The following HS6ST2 variants were observed in gnomAD, a reference collection of about 807,000 sequenced individuals.
The protein encoded by HS6ST2 is heparan-sulfate 6-O-sulfotransferase 2.
HS6ST2 carries 17 observed loss-of-function variants against 33.0 expected under a neutral mutation model. The ratio of observed to expected loss-of-function variants is 0.52; its 90% CI spans 0.35 to 0.77. HS6ST2 has a LOEUF of 0.77. Ranked by LOEUF, HS6ST2 falls within the 30% of genes least tolerant of loss-of-function variation. HS6ST2 has a pLI of 0.01. For synonymous variants in HS6ST2, 248 were observed against 237.1 expected, an observed-to-expected ratio of 1.05 and a Z score of -0.42; for missense variants, 519 against 551.7, an observed-to-expected ratio of 0.94 and a Z score of 0.59.
chrX:132,647,316 C>T (rs1295622781), intron 4 of HS6ST2, among the ~76,000 whole-genome samples: 1 of 110,954 alleles, frequency 9.0e-6, no homozygotes, highest in Non-Finnish European at 1.9e-5. Context: ...CCCCCTCTAT[C>T]TTCTCCACCC....
At chrX:132,727,135 TA>T (rs903040583) in intron 2 of HS6ST2, among the ~76,000 whole-genome samples, 5 of 106,444 alleles carry the variant, frequency 4.7e-5, no homozygotes, top group African/African-American at 1.0e-4. Flanking sequence ...TAAATAACCT[TA>T]AAAAAAAACT....
chrX:132,851,591 A>T (rs937457859), intron 2 of HS6ST2, among the ~76,000 whole-genome samples: 9 of 112,694 alleles, frequency 8.0e-5, no homozygotes, highest in Admixed American at 2.8e-4. Flanking sequence ...AACAATATCC[A>T]TAACCAGAGA....
At chrX:132,637,888 T>A (rs868437257) in intron 4 of HS6ST2, among the ~76,000 whole-genome samples, 6 of 56,435 alleles carry the variant, frequency 1.1e-4, no homozygotes, top group Admixed American at 8.8e-4. Flanking sequence ...ATATATATAA[T>A]ATTTTATATA....
intron 2 of HS6ST2, among the ~76,000 whole-genome samples, chrX:132,804,162 A>C (rs1000945100): frequency 8.9e-6 from 1 of 112,384 alleles, no homozygotes; most frequent in Non-Finnish European, 1.9e-5. Context: ...AATATGGCAA[A>C]AGGACTGTTG....
chrX:132,935,293 C>T (rs1445759383), intron 2 of HS6ST2, among the ~76,000 whole-genome samples: 1 of 75,894 alleles, frequency 1.3e-5, no homozygotes, highest in Non-Finnish European at 2.5e-5. Flanking sequence ...CCACCAACAG[C>T]AAAATAGTCT....
At chrX:132,898,912 C>T (rs946964365) in intron 2 of HS6ST2, among the ~76,000 whole-genome samples, 2 of 110,344 alleles carry the variant, frequency 1.8e-5, no homozygotes, top group Non-Finnish European at 3.8e-5. Context: ...AAAAGAATTG[C>T]TAAAAAAAGA....
chrX:132,849,776 A>T (rs1480354888), intron 2 of HS6ST2, among the ~76,000 whole-genome samples: 1 of 112,279 alleles, frequency 8.9e-6, no homozygotes, highest in East Asian at 2.8e-4. Flanking sequence ...CAACATCAGA[A>T]AACTTTTAGA....
At chrX:132,866,850 A>C (rs2065990024) in intron 2 of HS6ST2, among the ~76,000 whole-genome samples, 1 of 107,061 alleles carries the variant, frequency 9.3e-6, no homozygotes. Context: ...ACTTTGCTGA[A>C]GTTGCTTATG....
At chrX:132,758,225 T>C (rs187816314) in intron 2 of HS6ST2, 39 of 112,314 alleles carry the variant, frequency 3.5e-4, no homozygotes, top group Admixed American at 1.2e-3. Context: ...GTAGGAACTG[T>C]GAATAAATAG....
chrX:132,652,001 T>G (rs1312781478), intron 4 of HS6ST2, among the ~76,000 whole-genome samples: 4 of 111,998 alleles, frequency 3.6e-5, no homozygotes. Context: ...GCACCCACAG[T>G]GCTCACCTAA....
At chrX:132,827,159 T>C (rs1247550270) in intron 2 of HS6ST2, among the ~76,000 whole-genome samples, 1 of 111,528 alleles carries the variant, frequency 9.0e-6, no homozygotes, top group East Asian at 2.8e-4. Flanking sequence ...TCCATCCATT[T>C]ACAAGGACCA....
chrX:132,756,829 G>A (rs1037695132), intron 2 of HS6ST2, among the ~76,000 whole-genome samples: 1 of 108,876 alleles, frequency 9.2e-6, no homozygotes, highest in African/African-American at 3.4e-5. Context: ...TGGTGTGTGT[G>A]TGTGTGTGTG....
At chrX:132,820,309 AATAG>A (rs1320220885) in intron 2 of HS6ST2, among the ~76,000 whole-genome samples, 1 of 111,310 alleles carries the variant, frequency 9.0e-6, no homozygotes, top group African/African-American at 3.3e-5. Flanking sequence ...GAAAGACCCT[AATAG>A]ATAGGGCCCA....
intron 2 of HS6ST2, among the ~76,000 whole-genome samples, chrX:132,765,077 A>G (rs746433890): frequency 1.5e-3 from 173 of 112,345 alleles, no homozygotes; most frequent in African/African-American, 5.4e-3. Flanking sequence ...ACTGGGTAAG[A>G]CCTGGGCCAC....
intron 2 of HS6ST2, among the ~76,000 whole-genome samples, chrX:132,835,403 C>A (rs2065631531): frequency 9.0e-6 from 1 of 111,439 alleles, no homozygotes; most frequent in South Asian, 3.9e-4. Context: ...TGCAGAGCAC[C>A]TCCCCCACCT....
intron 3 of HS6ST2, among the ~76,000 whole-genome samples, chrX:132,689,186 A>G (rs768130731): frequency 8.9e-6 from 1 of 111,781 alleles, no homozygotes; most frequent in East Asian, 2.8e-4. Flanking sequence ...TCCTGTTTGA[A>G]TCCCATTATT....
At position 132,926,277 on chromosome X, in the gene HS6ST2, G is replaced by C. The variant is rs185187568; in HGVS notation, c.947+30531C>G. Among the ~76,000 whole-genome samples, 34 of 112,717 alleles carry C rather than the reference G, an allele frequency of 3.0e-4. No individual in the cohort carries two copies. In the East Asian group the frequency reaches 9.5e-3, roughly 31 times the overall value. ...ACACACTTCATGACAAGAAGGTACA[G>C]TTGTTCTCCACTGCTCTTGGGCTTG... On this transcript the variant is annotated intron_variant, in intron 2 of 4. Coordinates refer to ENST00000370833, the MANE Select transcript of HS6ST2 (RefSeq NM_001394073.1).
chrX:132,833,014 G>A (rs993761929), intron 2 of HS6ST2, among the ~76,000 whole-genome samples: 2 of 111,281 alleles, frequency 1.8e-5, no homozygotes, highest in South Asian at 7.6e-4. Context: ...TCCACTTTCT[G>A]TCTTTATAGA....
chrX:132,847,286 TG>T (rs2065759933), intron 2 of HS6ST2, among the ~76,000 whole-genome samples: 1 of 111,335 alleles, frequency 9.0e-6, no homozygotes, highest in Non-Finnish European at 1.9e-5. Flanking sequence ...TTCTTTGTCA[TG>T]GGGGGCTGTT....
Sources: allele counts gnomAD v4.1 joint callset (sites outside exome capture counted in the v4.1 genomes callset), GRCh38; gene constraint gnomAD v4.1.1; transcripts MANE v1.5; gene names NCBI Gene and HGNC (gene_info 2026-07-23, HGNC 2026-07-21).